The following KCND2 variants were observed in gnomAD, a reference collection of about 807,000 sequenced individuals.
KCND2 encodes A-type voltage-gated potassium channel KCND2.
KCND2 carries 16 observed loss-of-function variants against 54.4 expected under a neutral mutation model. The ratio of observed to expected loss-of-function variants is 0.29; its 90% confidence interval spans 0.20 to 0.45. The LOEUF (loss-of-function observed/expected upper bound fraction) is 0.45, where lower values mean the gene tolerates loss of function less well. Among genes scored for constraint, KCND2 ranks in the 20% least tolerant of loss-of-function variants. The probability of loss-of-function intolerance (pLI) is 1.00; values close to 1 mark genes in which losing one functional copy is unlikely to be tolerated. For synonymous variants in KCND2, 317 were observed against 310.7 expected (o/e 1.02, Z -0.21); for missense variants, 486 against 824.2 (o/e 0.59, Z 5.02).
chr7:120,531,101 C>T (rs953469522), intron 1 of KCND2, among the ~76,000 whole-genome samples: 14 of 152,112 alleles, frequency 9.2e-5, no homozygotes, highest in African/African-American at 3.4e-4. Context: ...AATTTATGGC[C>T]ACAGATTTAT....
At chr7:120,678,785 A>G (rs1337608354) in intron 1 of KCND2, among the ~76,000 whole-genome samples, 1 of 135,500 alleles carries the variant, frequency 7.4e-6, no homozygotes, top group Non-Finnish European at 1.6e-5. Context: ...TATACACATA[A>G]ACACACACAT....
At chr7:120,649,138 G>T (rs1186191338) in intron 1 of KCND2, among the ~76,000 whole-genome samples, 3 of 151,702 alleles carry the variant, frequency 2.0e-5, no homozygotes, top group African/African-American at 7.3e-5. Context: ...CTAATTATTG[G>T]CAGAATTTCA....
At chr7:120,603,552 A>G (rs1792841448) in intron 1 of KCND2, among the ~76,000 whole-genome samples, 1 of 152,144 alleles carries the variant, frequency 6.6e-6, no homozygotes, top group African/African-American at 2.4e-5. Context: ...TAATCCAGGG[A>G]GAAGTAGCAT....
At chr7:120,301,288 T>C (rs1467242301) in intron 1 of KCND2, among the ~76,000 whole-genome samples, 3 of 152,188 alleles carry the variant, frequency 2.0e-5, no homozygotes, top group Non-Finnish European at 4.4e-5. Flanking sequence ...CTAGGCAAGA[T>C]CATGGGAAAT....
At chr7:120,486,826 A>G (rs549514197) in intron 1 of KCND2, among the ~76,000 whole-genome samples, 4 of 152,110 alleles carry the variant, frequency 2.6e-5, no homozygotes, top group Admixed American at 2.6e-4. Flanking sequence ...AATAAGCCCA[A>G]AATATATGGG....
chr7:120,601,900 G>T (rs987463540), intron 1 of KCND2, among the ~76,000 whole-genome samples: 8 of 152,162 alleles, frequency 5.3e-5, no homozygotes. Context: ...CACGTGTGAG[G>T]CCAATATAGA....
intron 1 of KCND2, among the ~76,000 whole-genome samples, chr7:120,572,310 A>G (rs1268386472): frequency 6.6e-6 from 1 of 152,092 alleles, no homozygotes; most frequent in Non-Finnish European, 1.5e-5. Flanking sequence ...AGGTTGTAGT[A>G]TTGGACTGCA....
chr7:120,375,769 G>T (rs1180683790), intron 1 of KCND2, among the ~76,000 whole-genome samples: 3 of 151,754 alleles, frequency 2.0e-5, no homozygotes, highest in Non-Finnish European at 4.4e-5. Flanking sequence ...GTGTTGTAAT[G>T]ATTATGATAT....
At chr7:120,364,627 A>G (rs902267445) in intron 1 of KCND2, among the ~76,000 whole-genome samples, 5 of 152,100 alleles carry the variant, frequency 3.3e-5, no homozygotes, top group Non-Finnish European at 7.4e-5. Context: ...TTATAGGAAA[A>G]GAGCGGGGTA....
intron 1 of KCND2, among the ~76,000 whole-genome samples, chr7:120,572,246 G>A (rs1792375208): frequency 6.6e-6 from 1 of 150,916 alleles, no homozygotes; most frequent in Non-Finnish European, 1.5e-5. Context: ...AAGGCCATCT[G>A]TTCAAAAAAT....
intron 1 of KCND2, among the ~76,000 whole-genome samples, chr7:120,422,174 A>C (rs1273660082): frequency 1.3e-5 from 2 of 152,214 alleles, no homozygotes; most frequent in African/African-American, 2.4e-5. Context: ...CCTGCTTTCT[A>C]TAAGTTGTCT....
At chr7:120,698,950 T>C (rs1792365950) in intron 1 of KCND2, among the ~76,000 whole-genome samples, 2 of 152,172 alleles carry the variant, frequency 1.3e-5, no homozygotes, top group Non-Finnish European at 2.9e-5. Flanking sequence ...AGGAGACTTG[T>C]TGAGATGGGA....
In KCND2 at chr7:120,398,091, G is replaced by A. The variant is rs1231893570; in HGVS notation, c.1115+122344G>A. On this transcript the variant is annotated intron_variant, in intron 1 of 5. Transcript: ENST00000331113. The stretch of plus-strand genomic sequence containing the variant: ...TAGTTAATTAAATTTCAGCTAGCTG[G>A]TTGTAAAGTTGGCTACGTTCTGAAT... 1.9e-4 allele frequency among the ~76,000 whole-genome samples: 27 copies of A among 141,650 alleles called. No individual in the cohort carries two copies. In the Admixed American group the frequency reaches 2.0e-3, roughly 10 times the overall value. 92.9% of individuals were successfully genotyped at this position (141,650 alleles called of 152,430 possible). A position where few individuals can be genotyped will look rare whatever the true frequency, so the allele number is the denominator to read the frequency against.
At chr7:120,619,955 T>C (rs1036725980) in intron 1 of KCND2, among the ~76,000 whole-genome samples, 1 of 152,172 alleles carries the variant, frequency 6.6e-6, no homozygotes, top group African/African-American at 2.4e-5. Flanking sequence ...AGAGGCTGAA[T>C]AGAATATGTT....
At chr7:120,602,840 GACTC>G (rs1424232634) in intron 1 of KCND2, among the ~76,000 whole-genome samples, 1 of 152,148 alleles carries the variant, frequency 6.6e-6, no homozygotes, top group East Asian at 1.9e-4. Context: ...TAGCAATAAA[GACTC>G]ACATACAGAA....
Position 120,275,377 on chromosome 7 carries a change from G to A in KCND2, c.745G>A (p.Ala249Thr), listed in dbSNP as rs753630893. 3 of 1,613,752 alleles carry A rather than the reference G, an allele frequency of 1.9e-6. No individual in the cohort carries two copies. The highest frequency in any genetic ancestry group is 1.7e-6 in the Non-Finnish European group (2 of 1,179,952). Residue 249 changes from alanine to threonine, a missense_variant, in exon 1 of 6, where the codon GCT becomes ACT. Physicochemically the swap from Ala to Thr is moderately conservative, Grantham distance 58. Coordinates refer to ENST00000331113, the MANE Select transcript of KCND2 (RefSeq NM_012281.3). ...IFTVEYLLRL[A>T]AAPSRYRFVR... The stretch of plus-strand genomic sequence containing the variant: ...CACAGTTGAGTATTTGCTTCGCCTG[G>A]CTGCAGCGCCTAGTCGTTACCGTTT...
chr7:120,686,872 C>T (rs1792208551), intron 1 of KCND2, among the ~76,000 whole-genome samples: 2 of 152,176 alleles, frequency 1.3e-5, no homozygotes, highest in Non-Finnish European at 2.9e-5. Context: ...GAGATCTTAT[C>T]AGGAAACCGC....
rs1005607127 is a variant in KCND2, at chr7:120,321,627, G to A, written c.1115+45880G>A. ...AATATCTCATATTAGAGATTACAAA[G>A]GTGAAAGTACATTGCATTGTGCCTA... On this transcript the variant is annotated intron_variant, in intron 1 of 5. Coordinates refer to ENST00000331113, the MANE Select transcript of KCND2 (RefSeq NM_012281.3). 2.6e-5 allele frequency among the ~76,000 whole-genome samples: 4 copies of A among 151,924 alleles called. No individual in the cohort carries two copies. In the South Asian group the frequency reaches 6.2e-4, roughly 24 times the overall value.
At chr7:120,519,690 A>C (rs1562862109) in intron 1 of KCND2, among the ~76,000 whole-genome samples, 1 of 152,078 alleles carries the variant, frequency 6.6e-6, no homozygotes, top group Non-Finnish European at 1.5e-5. Flanking sequence ...AATTATATAT[A>C]TTTCCCCAAT....
Sources: gnomAD v4.1 joint callset for allele counts (sites outside exome capture counted in the v4.1 genomes callset) on GRCh38, gnomAD v4.1.1 for gene constraint, MANE v1.5 for transcripts, NCBI Gene and HGNC (gene_info 2026-07-23, HGNC 2026-07-21) for gene names.